FOXP4: variants seen among roughly 807,000 people sequenced by gnomAD.
FOXP4 encodes forkhead box protein P4.
Under a neutral mutation model 82.6 loss-of-function variants are expected in FOXP4, and 25 were observed. The ratio of observed to expected loss-of-function variants is 0.30; its 90% CI spans 0.22 to 0.42. FOXP4 has a LOEUF of 0.42. Ranked by LOEUF, FOXP4 falls within the 10% of genes least tolerant of loss-of-function variation. FOXP4 has a pLI of 1.00. For missense variants in FOXP4, 785 were observed against 900.9 expected, an observed-to-expected ratio of 0.87 and a Z score of 1.65; for synonymous variants, 415 against 388.2, an observed-to-expected ratio of 1.07 and a Z score of -0.81.
chr6:41,570,595 T>G (rs1765146605), intron 2 of FOXP4, among the ~76,000 whole-genome samples: 1 of 152,120 alleles, frequency 6.6e-6, no homozygotes. Flanking sequence ...CCTGCTTTCT[T>G]GGGACTAAAA....
chr6:41,553,136 C>T (rs973201633), intron 1 of FOXP4, among the ~76,000 whole-genome samples: 6 of 152,126 alleles, frequency 3.9e-5, no homozygotes, highest in South Asian at 2.1e-4. Context: ...CTGTGGAGCT[C>T]GGGGCAGAGG....
At chr6:41,586,691 TGCACAGCTGCG>T (rs1766143030) in intron 5 of FOXP4, among the ~76,000 whole-genome samples, 1 of 152,156 alleles carries the variant, frequency 6.6e-6, no homozygotes, top group African/African-American at 2.4e-5. Context: ...CCCCCAGGCG[TGCACAGCTGCG>T]GTGCAGGGAG....
rs997750595 is a variant in FOXP4 at position 41,600,655 on chromosome 6, G to A, written c.*1719G>A. The stretch of plus-strand genomic sequence containing the variant: ...TGTGTGTGTCACCGAGGTGCGGGAG[G>A]GGAGGAGCATTAAAGCTGAAAGATC... On this transcript the variant is annotated 3_prime_UTR_variant, in exon 17 of 17. Transcript: ENST00000307972. 1.9e-4 allele frequency: 29 copies of A among 152,492 alleles called. No individual in the cohort carries two copies. The highest frequency in any genetic ancestry group is 6.5e-4 in the African/African-American group (27 of 41,580). 9.4% of individuals were successfully genotyped at this position (152,492 alleles called of 1,614,324 possible). A position where few individuals can be genotyped will look rare whatever the true frequency, so the allele number is the denominator to read the frequency against.
At chr6:41,547,777 A>ACCCCCC (rs150273164) in intron 1 of FOXP4, among the ~76,000 whole-genome samples, 10 of 133,330 alleles carry the variant, frequency 7.5e-5, no homozygotes, top group African/African-American at 2.6e-4. Context: ...ACCGAGCAGG[A>ACCCCCC]CCCCCCCCCG....
chr6:41,553,487 C>T (rs1227681450), intron 1 of FOXP4, among the ~76,000 whole-genome samples: 1 of 152,142 alleles, frequency 6.6e-6, no homozygotes, highest in African/African-American at 2.4e-5. Context: ...GCTCTGTGCC[C>T]CTTTGCCCAG....
At chr6:41,590,865 C>T (rs1766474804) in intron 12 of FOXP4, among the ~76,000 whole-genome samples, 1 of 152,320 alleles carries the variant, frequency 6.6e-6, no homozygotes, top group South Asian at 2.1e-4. Context: ...TCCAAACAGC[C>T]TCCACCCCGT....
At position 41,599,732 on chromosome 6, in the gene FOXP4, C is replaced by T. The variant is rs574034973; in HGVS notation, c.*796C>T. ...TTCTGCAGGTGGAGCCAAGCTCTCC[C>T]TGAGGCCAGAGGCGGGGCCTGGGCC... On this transcript the variant is annotated 3_prime_UTR_variant, in exon 17 of 17. Coordinates refer to ENST00000307972, the MANE Select transcript of FOXP4 (RefSeq NM_001012426.2). 73 of 152,780 alleles carry T rather than the reference C, an allele frequency of 4.8e-4. 2 individuals carry two copies. In the South Asian group the frequency reaches 0.014, roughly 30 times the overall value. The allele number at this position is 152,780 out of a possible 1,614,324, so 9.5% of individuals were successfully genotyped here. A position where few individuals can be genotyped will look rare whatever the true frequency, so the allele number is the denominator to read the frequency against.
In FOXP4 at chr6:41,584,911, AGCTGGTCCCTCCTC is replaced by A. The variant is rs1271988116; in HGVS notation, c.423+21_423+34del. ...CAGCAGGTGAGTCTGGCCCCAGGGC[AGCTGGTCCCTCCTC>A]CTCTGCCTGGCCTGGCTCCTCCCAC... On this transcript the variant is annotated intron_variant, in intron 4 of 16. Coordinates refer to ENST00000307972, the MANE Select transcript of FOXP4 (RefSeq NM_001012426.2). 1 of 1,599,248 alleles carries A rather than the reference AGCTGGTCCCTCCTC, an allele frequency of 6.3e-7. No individual in the cohort carries two copies. Among genetic ancestry groups the A allele is most frequent in the African/African-American group, 1.3e-5 (1 of 74,736 alleles).
rs1390884710 is a variant in FOXP4 at position 41,587,820 on chromosome 6, C to T, written c.900C>T (p.Ser300=). 6.4e-7 allele frequency: 1 copy of T among 1,569,196 alleles called. No individual in the cohort carries two copies. The highest frequency in any genetic ancestry group is 1.2e-5 in the South Asian group (1 of 85,484). Residue 300 remains serine (S), a synonymous_variant, in exon 8 of 17, where the codon TCC becomes TCT. Coordinates refer to ENST00000307972, the MANE Select transcript of FOXP4 (RefSeq NM_001012426.2). ...DSSSHEETPG[S]HPLYGHGECK... ...CTTCCCACGAGGAGACCCCCGGCTC[C>T]CACCCCCTGTACGGACACGGAGAGT... is the stretch of plus-strand genomic sequence containing the variant.
chr6:41,569,034 C>G (rs1765036721), intron 2 of FOXP4, among the ~76,000 whole-genome samples: 2 of 152,176 alleles, frequency 1.3e-5, no homozygotes. Flanking sequence ...GCTGGCTGCC[C>G]CATTTCAGCC....
intron 13 of FOXP4, among the ~76,000 whole-genome samples, chr6:41,594,192 A>G (rs1234161660): frequency 1.3e-5 from 2 of 152,220 alleles, no homozygotes; most frequent in Admixed American, 6.5e-5. Context: ...TGGGACAGAC[A>G]AGGTGACTTA....
chr6:41,577,920 C>T, intron 2 of FOXP4, 66 bp from the exon 3 acceptor site: 1 of 1,211,942 alleles, frequency 8.3e-7, no homozygotes, highest in Non-Finnish European at 1.2e-6. Context: ...CTGCCCCAAA[C>T]ACTCCCTAAT....
chr6:41,555,536 T>G (rs1764227685), intron 1 of FOXP4, among the ~76,000 whole-genome samples: 1 of 152,176 alleles, frequency 6.6e-6, no homozygotes, highest in South Asian at 2.1e-4. Flanking sequence ...CTAGAGCCCC[T>G]CCTGTGCCCA....
At chr6:41,597,149 C>G (rs1581794072) in intron 14 of FOXP4, 27 bp from the exon 15 acceptor site, 1 of 1,612,330 alleles carries the variant, frequency 6.2e-7, no homozygotes, top group African/African-American at 1.3e-5. Context: ...AATGAGTGAG[C>G]CAAAGATGGC....
At position 41,601,466 on chromosome 6, in the gene FOXP4, T is replaced by G. The variant is rs1159559665; in HGVS notation, c.*2530T>G. On this transcript the variant is annotated 3_prime_UTR_variant, in exon 17 of 17. Transcript: ENST00000307972. ...ATCCCCAGGGCCTCAGCCGTCTCATTGGTCTTTATTTTTTATTTTTTTTAA... is the reference window on the plus strand; with the variant it reads ...ATCCCCAGGGCCTCAGCCGTCTCATGGGTCTTTATTTTTTATTTTTTTTAA... 1 of 152,208 alleles carries G rather than the reference T, an allele frequency of 6.6e-6. No homozygotes were observed. Among genetic ancestry groups the G allele is most frequent in the African/African-American group, 2.4e-5 (1 of 41,404 alleles). 9.4% of individuals were successfully genotyped at this position (152,208 alleles called of 1,614,324 possible). A position where few individuals can be genotyped will look rare whatever the true frequency, so the allele number is the denominator to read the frequency against.
chr6:41,590,325 C>G lies in FOXP4; in HGVS notation c.1412C>G (p.Thr471Ser). The G allele has an allele frequency of 6.2e-7, 1 of 1,613,962 alleles. No individual in the cohort carries two copies. Reference sequence around the variant, plus strand: ...AACGCCGACGTCCGGCCCCCCTTCACCTACGCCTCCCTCATCCGCCAGGTG... The same window carrying G: ...AACGCCGACGTCCGGCCCCCCTTCAGCTACGCCTCCCTCATCCGCCAGGTG... ...YKNADVRPPF[T>S]YASLIRQAIL... The change falls in exon 12 of 17, where the codon ACC becomes AGC. Residue 471 changes from threonine to serine, a missense_variant. Around this residue, in one of 3 missense-constraint regions of FOXP4, gnomAD observed 570 missense variants for 634.0 expected, o/e 0.90. Transcript: ENST00000307972.
Position 41,583,515 on chromosome 6 carries a change from T to C in FOXP4, c.301-1254T>C, listed in dbSNP as rs1034897829. Among the ~76,000 whole-genome samples the C allele has an allele frequency of 3.3e-5, 5 of 152,344 alleles. No individual in the cohort carries two copies. In the East Asian group the frequency reaches 9.6e-4, roughly 29 times the overall value. On this transcript the variant is annotated intron_variant, in intron 3 of 16. Transcript: ENST00000307972. ...TAGCCCTGTAACCTTCCCTTCCTGC[T>C]TCCGGGCTGGCAGAGGGGCCTCTGA... is the stretch of plus-strand genomic sequence containing the variant.
Position 41,585,444 on chromosome 6 carries a change from A to G in FOXP4, c.437A>G (p.Tyr146Cys), listed in dbSNP as rs1358014030. ...ALMLQQLQEY[Y>C]KKQQEQLHLQ... is the part of the protein sequence containing the mutation. ...CCACCCCCCCAGCTACAGGAGTACT[A>G]CAAGAAGCAGCAGGAGCAGCTCCAC... The change falls in exon 5 of 17, where the codon TAC becomes TGC. Residue 146 changes from tyrosine (Y) to cysteine (C), a missense_variant. Coordinates refer to ENST00000307972, the MANE Select transcript of FOXP4 (RefSeq NM_001012426.2). 13 of 1,613,858 alleles carry G rather than the reference A, an allele frequency of 8.1e-6. No homozygotes were observed. The highest frequency in any genetic ancestry group is 1.1e-5 in the Non-Finnish European group (13 of 1,179,892).
At chr6:41,553,485 C>T (rs1258028607) in intron 1 of FOXP4, among the ~76,000 whole-genome samples, 1 of 152,150 alleles carries the variant, frequency 6.6e-6, no homozygotes, top group Admixed American at 6.5e-5. Flanking sequence ...CTGCTCTGTG[C>T]CCCTTTGCCC....
Sources: gnomAD v4.1 joint callset for allele counts (sites outside exome capture counted in the v4.1 genomes callset) on GRCh38, gnomAD v4.1.1 for gene constraint, gnomAD v4.1.1 regional missense constraint, MANE v1.5 for transcripts, NCBI Gene and HGNC (gene_info 2026-07-23, HGNC 2026-07-21) for gene names.